LDHB: variants seen among roughly 807,000 people sequenced by gnomAD.
LDHB encodes the protein lactate dehydrogenase B.
Under a neutral mutation model 33.4 loss-of-function variants are expected in LDHB, and 18 were observed. That is an observed-to-expected ratio of 0.54 (90% confidence interval 0.37 to 0.80). The LOEUF is 0.80. Ranked by LOEUF, LDHB falls within the 30% of genes least tolerant of loss-of-function variation. The pLI is 0.00. For missense variants in LDHB, 345 were observed against 407.9 expected (o/e 0.85, Z 1.33); for synonymous variants, 121 against 140.6 (o/e 0.86, Z 0.98).
intron 2 of LDHB, among the ~76,000 whole-genome samples, chr12:21,649,732 C>G (rs1006479485): frequency 6.6e-5 from 10 of 152,124 alleles, no homozygotes; most frequent in African/African-American, 2.4e-4. Flanking sequence ...TATATTCTGC[C>G]TCTTCCTCCT....
intron 6 of LDHB, among the ~76,000 whole-genome samples, chr12:21,637,996 G>T (rs1938262873): frequency 6.6e-6 from 1 of 151,894 alleles, no homozygotes; most frequent in Non-Finnish European, 1.5e-5. Flanking sequence ...CAATCAGCAA[G>T]CAAGTTTATT....
chr12:21,635,518 T>A lies in LDHB; in HGVS notation c.*24A>T. ...AGTTAATCACATTGTAGTTTTTAAA[T>A]TTCTACAGCCTAGAGCTCACTAGTC... On this transcript the variant is annotated 3_prime_UTR_variant, in exon 8 of 8. Coordinates refer to ENST00000350669, the MANE Select transcript of LDHB (RefSeq NM_002300.8). 1 of 1,596,996 alleles carries A rather than the reference T, an allele frequency of 6.3e-7. No homozygotes were observed. Among genetic ancestry groups the A allele is most frequent in the Non-Finnish European group, 8.6e-7 (1 of 1,166,272 alleles).
intron 4 of LDHB, among the ~76,000 whole-genome samples, chr12:21,643,210 T>C (rs2136967667): frequency 6.6e-6 from 1 of 152,352 alleles, no homozygotes; most frequent in African/African-American, 2.4e-5. Context: ...TGTTTCTCTA[T>C]GGGAAGTGTG....
chr12:21,642,688 C>T (rs924440589), intron 4 of LDHB, among the ~76,000 whole-genome samples: 20 of 152,146 alleles, frequency 1.3e-4, no homozygotes, highest in African/African-American at 4.8e-4. Context: ...AGCCTTAAAA[C>T]CACAGACATA....
chr12:21,642,472 T>C (rs1399257609), intron 4 of LDHB, among the ~76,000 whole-genome samples: 1 of 152,090 alleles, frequency 6.6e-6, no homozygotes, highest in East Asian at 1.9e-4. Context: ...GTCAGTTAAG[T>C]TTCCCCCAGT....
intron 4 of LDHB, 194 bp downstream of exon 4, chr12:21,643,741 T>C (rs1265562171): frequency 3.2e-5 from 18 of 569,876 alleles, no homozygotes; most frequent in Non-Finnish European, 4.7e-5. Flanking sequence ...AAAACTCTTG[T>C]CACATTTTTT....
intron 2 of LDHB, among the ~76,000 whole-genome samples, chr12:21,651,403 A>G (rs1488111260): frequency 6.6e-6 from 1 of 152,238 alleles, no homozygotes; most frequent in Non-Finnish European, 1.5e-5. Flanking sequence ...CAAAAGTAGA[A>G]GCCAAAAATA....
chr12:21,640,265 GAAT>G (rs1251376363), intron 5 of LDHB, among the ~76,000 whole-genome samples: 1 of 150,592 alleles, frequency 6.6e-6, no homozygotes, highest in Non-Finnish European at 1.5e-5. Context: ...ATTGTTCAAA[GAAT>G]AATTAATTTA....
chr12:21,647,473 C>A (rs1484985363), intron 2 of LDHB, among the ~76,000 whole-genome samples: 1 of 151,820 alleles, frequency 6.6e-6, no homozygotes, highest in African/African-American at 2.4e-5. Context: ...TGGCTCTGAT[C>A]CACTCAAATG....
At chr12:21,657,261 G>A (rs988741230) in intron 1 of LDHB, 1 of 152,222 alleles carries the variant, frequency 6.6e-6, no homozygotes, top group African/African-American at 2.4e-5. Context: ...AGCGCCAAAC[G>A]TGCTGGTCAT....
chr12:21,641,057 T>C (rs985574150), intron 5 of LDHB, among the ~76,000 whole-genome samples: 8 of 152,314 alleles, frequency 5.3e-5, no homozygotes, highest in South Asian at 2.1e-4. Context: ...ACAACTATCA[T>C]GGTAATTTAT....
At chr12:21,642,256 G>A in intron 4 of LDHB, 131 bp from the exon 5 acceptor site, 3 of 674,586 alleles carry the variant, frequency 4.4e-6, no homozygotes, top group Non-Finnish European at 8.0e-6. Context: ...AAAGATTAAA[G>A]TAAATACTTT....
At chr12:21,656,365 G>C (rs1750725484) in intron 1 of LDHB, among the ~76,000 whole-genome samples, 1 of 152,198 alleles carries the variant, frequency 6.6e-6, no homozygotes, top group Non-Finnish European at 1.5e-5. Flanking sequence ...TCCACAAATA[G>C]ATGACCTTAA....
At chr12:21,653,935 G>C (rs1938762845) in intron 2 of LDHB, among the ~76,000 whole-genome samples, 1 of 152,166 alleles carries the variant, frequency 6.6e-6, no homozygotes, top group South Asian at 2.1e-4. Flanking sequence ...GTGACCACTT[G>C]AACCAGGGGA....
At chr12:21,639,938 A>G (rs1938324271) in intron 5 of LDHB, among the ~76,000 whole-genome samples, 1 of 152,066 alleles carries the variant, frequency 6.6e-6, no homozygotes, top group Non-Finnish European at 1.5e-5. Flanking sequence ...AACTTCAAGA[A>G]CAAATTCTTA....
At chr12:21,655,524 TA>T (rs1938818658) in intron 1 of LDHB, among the ~76,000 whole-genome samples, 1 of 152,266 alleles carries the variant, frequency 6.6e-6, no homozygotes, top group Non-Finnish European at 1.5e-5. Flanking sequence ...GCATACTTAA[TA>T]CATAGTGACA....
At chr12:21,644,395 T>C (rs1466308623) in intron 3 of LDHB, among the ~76,000 whole-genome samples, 1 of 97,288 alleles carries the variant, frequency 1.0e-5, no homozygotes, top group Non-Finnish European at 1.9e-5. Context: ...TAAAATGAAG[T>C]GTAAACAGTG....
chr12:21,643,822 G>T, intron 4 of LDHB, 113 bp downstream of exon 4: 1 of 842,956 alleles, frequency 1.2e-6, no homozygotes, highest in Non-Finnish European at 2.0e-6. Flanking sequence ...AAGAAGACAT[G>T]TAAACTGCTT....
Position 21,643,999 on chromosome 12 carries a change from T to A in LDHB, c.357A>T (p.Lys119Asn). Residue 119 changes from lysine (K) to asparagine (N), a missense_variant, in exon 4 of 8, where the codon AAA becomes AAT. By Grantham distance (94) the Lys-to-Asn change is moderately conservative. Coordinates refer to ENST00000350669, the MANE Select transcript of LDHB (RefSeq NM_002300.8). ...ACTTGACGATCTGAGGAATAATGAA[T>A]TTGAAGACATTAACATTTCTCTGCA... ...NLVQRNVNVF[K>N]FIIPQIVKYS... The A allele has an allele frequency of 1.2e-6, 2 of 1,613,266 alleles. No individual in the cohort carries two copies. Among genetic ancestry groups the A allele is most frequent in the Non-Finnish European group, 1.7e-6 (2 of 1,179,218 alleles).
Sources: allele counts gnomAD v4.1 joint callset (sites outside exome capture counted in the v4.1 genomes callset), GRCh38; gene constraint gnomAD v4.1.1; transcripts MANE v1.5; gene names NCBI Gene and HGNC (gene_info 2026-07-23, HGNC 2026-07-21).